The following HMGCLL1 variants were observed in gnomAD, a reference collection of about 807,000 sequenced individuals.
HMGCLL1 encodes 3-hydroxymethyl-3-methylglutaryl-CoA lyase, cytoplasmic.
Under a neutral mutation model 39.1 loss-of-function variants are expected in HMGCLL1, and 36 were observed. The observed-to-expected ratio is 0.92, with a 90% CI of 0.71 to 1.22. The LOEUF is 1.22. HMGCLL1 is among the 50% of genes most tolerant of loss of function. The probability of loss-of-function intolerance (pLI) is 0.00; values close to 1 mark genes in which losing one functional copy is unlikely to be tolerated. For missense variants in HMGCLL1, 451 were observed against 416.5 expected (o/e 1.08, Z -0.72); for synonymous variants, 149 against 144.0 (o/e 1.03, Z -0.25).
intron 7 of HMGCLL1, among the ~76,000 whole-genome samples, chr6:55,489,067 TCAATC>T (rs1766186287): frequency 6.6e-6 from 1 of 152,046 alleles, no homozygotes; most frequent in South Asian, 2.1e-4. Flanking sequence ...ACTGGCCAAT[TCAATC>T]CAATGTTCCA....
chr6:55,492,635 C>G lies in HMGCLL1; in HGVS notation c.795+2784G>C, dbSNP rs572438850. Reference sequence around the variant, plus strand: ...GCGGAAAAGACAGAAAGCTCTACATCTCTGCTTTTTGAACATTTTCTCAGT... The same window carrying G: ...GCGGAAAAGACAGAAAGCTCTACATGTCTGCTTTTTGAACATTTTCTCAGT... On this transcript the variant is annotated intron_variant, in intron 7 of 8. Coordinates refer to ENST00000274901, the MANE Select transcript of HMGCLL1 (RefSeq NM_001042406.2). Among the ~76,000 whole-genome samples, 4 of 152,346 alleles carry G rather than the reference C, an allele frequency of 2.6e-5. No individual in the cohort carries two copies. In the East Asian group the frequency reaches 5.8e-4, roughly 22 times the overall value.
intron 7 of HMGCLL1, among the ~76,000 whole-genome samples, chr6:55,459,696 T>G (rs1428420567): frequency 6.6e-6 from 1 of 152,024 alleles, no homozygotes; most frequent in Non-Finnish European, 1.5e-5. Flanking sequence ...CAAATAAGAG[T>G]AAGATGCAGT....
chr6:55,597,304 C>G, the HMGCLL1 span, among the ~76,000 whole-genome samples: 82 of 152,094 alleles, frequency 5.4e-4, no homozygotes, highest in Non-Finnish European at 9.6e-4. Context: ...TGGAATGCCT[C>G]TATGAGAATT....
At chr6:55,619,552 A>C in the HMGCLL1 span, among the ~76,000 whole-genome samples, 1 of 152,262 alleles carries the variant, frequency 6.6e-6, no homozygotes, top group East Asian at 1.9e-4. Flanking sequence ...ATTTTCCAAA[A>C]AAAATTAATT....
the HMGCLL1 span, among the ~76,000 whole-genome samples, chr6:55,676,632 T>G: frequency 1.3e-5 from 2 of 152,188 alleles, no homozygotes; most frequent in African/African-American, 2.4e-5. Context: ...GCTGAGCATA[T>G]TTTTTACAGT....
chr6:55,436,948 T>TA (rs1436923629), intron 8 of HMGCLL1, among the ~76,000 whole-genome samples: 1 of 152,006 alleles, frequency 6.6e-6, no homozygotes, highest in Non-Finnish European at 1.5e-5. Flanking sequence ...AGTATCTGTT[T>TA]AACATCCTTA....
the HMGCLL1 span, among the ~76,000 whole-genome samples, chr6:55,605,756 G>C: frequency 6.6e-6 from 1 of 151,850 alleles, no homozygotes; most frequent in South Asian, 2.1e-4. Context: ...TGAGTAACCA[G>C]TATTACCACT....
chr6:55,567,278 G>GA (rs35530284), intron 1 of HMGCLL1, among the ~76,000 whole-genome samples: 33,373 of 151,096 alleles, frequency 0.22, 3,892 homozygotes, highest in Admixed American at 0.27. Flanking sequence ...CATCAAATTT[G>GA]AAAAAAAATG....
In HMGCLL1 at chr6:55,434,611, C is replaced by T. The variant is rs1763299170; in HGVS notation, c.*1051G>A. ...GTTTATCTTGAATAGTCCTCCTGCT[C>T]CTCATCCCTGACTTTGATATATTAC... On this transcript the variant is annotated 3_prime_UTR_variant, in exon 9 of 9. Transcript: ENST00000274901. The T allele has an allele frequency of 6.6e-6, 1 of 151,986 alleles. No individual in the cohort carries two copies. The highest frequency in any genetic ancestry group is 1.9e-4 in the East Asian group (1 of 5,172). The allele number at this position is 151,986 out of a possible 1,614,324, so 9.4% of individuals were successfully genotyped here. A position where few individuals can be genotyped will look rare whatever the true frequency, so the allele number is the denominator to read the frequency against.
At chr6:55,497,349 A>T (rs923771184) in intron 6 of HMGCLL1, among the ~76,000 whole-genome samples, 4 of 152,162 alleles carry the variant, frequency 2.6e-5, no homozygotes, top group African/African-American at 9.7e-5. Flanking sequence ...AACAATTTTA[A>T]TAATGATGTG....
At chr6:55,628,273 A>T in the HMGCLL1 span, among the ~76,000 whole-genome samples, 7 of 127,378 alleles carry the variant, frequency 5.5e-5, no homozygotes, top group Non-Finnish European at 1.1e-4. Flanking sequence ...CTCTTTCAGC[A>T]CTTTATTGTT....
intron 7 of HMGCLL1, among the ~76,000 whole-genome samples, chr6:55,470,094 G>A (rs932637237): frequency 2.0e-5 from 3 of 151,868 alleles, no homozygotes; most frequent in Admixed American, 6.6e-5. Flanking sequence ...TCTAAGAGTC[G>A]TTCCTTGCTG....
chr6:55,469,408 T>TATACTTATAAGTATAC (rs1192263638), intron 7 of HMGCLL1, among the ~76,000 whole-genome samples: 2 of 141,432 alleles, frequency 1.4e-5, no homozygotes, highest in African/African-American at 5.0e-5. Context: ...TATATGTATA[T>TATACTTATAAGTATAC]ATACTTATAA....
chr6:55,562,255 A>G (rs951861558), intron 1 of HMGCLL1, among the ~76,000 whole-genome samples: 3 of 152,148 alleles, frequency 2.0e-5, no homozygotes, highest in Non-Finnish European at 4.4e-5. Context: ...AATAATTTTG[A>G]TAAACATTAC....
chr6:55,566,748 T>A, intron 1 of HMGCLL1: 2 of 381,708 alleles, frequency 5.2e-6, no homozygotes, highest in Admixed American at 5.7e-5. Flanking sequence ...TTTACAACAG[T>A]AGCCAAGAAA....
At chr6:55,580,406 C>CTTTTTTTTTTTTTTTT (rs145371462), upstream of HMGCLL1, among the ~76,000 whole-genome samples, 8 of 73,266 alleles carry the variant, frequency 1.1e-4, no homozygotes, top group Non-Finnish European at 1.4e-4. Flanking sequence ...TTTTTTCTTT[C>CTTTTTTTTTTTTTTTT]TTTTTTTTTT....
the HMGCLL1 span, among the ~76,000 whole-genome samples, chr6:55,635,613 T>C: frequency 6.6e-6 from 1 of 152,100 alleles, no homozygotes; most frequent in Non-Finnish European, 1.5e-5. Context: ...TTACTGATAG[T>C]TGATTTTTGC....
intron 3 of HMGCLL1, 101 bp downstream of exon 3, chr6:55,541,628 G>A (rs1486899766): frequency 4.6e-6 from 3 of 651,386 alleles, no homozygotes; most frequent in Non-Finnish European, 8.1e-6. Context: ...GAAAGAATAT[G>A]GAAAATTAGT....
At chr6:55,438,074 T>C (rs1357126232) in intron 8 of HMGCLL1, among the ~76,000 whole-genome samples, 1 of 152,034 alleles carries the variant, frequency 6.6e-6, no homozygotes, top group Non-Finnish European at 1.5e-5. Flanking sequence ...TCCAGAGTTA[T>C]GGAACATAAC....
Sources: gnomAD v4.1 joint callset for allele counts (sites outside exome capture counted in the v4.1 genomes callset) on GRCh38, gnomAD v4.1.1 for gene constraint, MANE v1.5 for transcripts, NCBI Gene and HGNC (gene_info 2026-07-23, HGNC 2026-07-21) for gene names.